LRP1B: variants seen among roughly 807,000 people sequenced by gnomAD.
LRP1B encodes LDL receptor related protein 1B, also known as low-density lipoprotein receptor-related protein 1B.
In LRP1B, 217 loss-of-function variants were observed where a neutral mutation model predicts 556.6. The ratio of observed to expected loss-of-function variants is 0.39; its 90% CI spans 0.35 to 0.44. LRP1B has a LOEUF of 0.44. LRP1B is among the 20% of genes least tolerant of loss of function. The pLI, the probability that LRP1B is intolerant of heterozygous loss-of-function variation, is 1.00. For synonymous variants in LRP1B, 2,047 were observed against 1,865.8 expected, an observed-to-expected ratio of 1.10 and a Z score of -2.50; for missense variants, 5,053 against 5,620.8, an observed-to-expected ratio of 0.90 and a Z score of 3.23.
At chr2:141,158,222 C>T (rs932332451) in intron 7 of LRP1B, among the ~76,000 whole-genome samples, 6 of 151,990 alleles carry the variant, frequency 3.9e-5, no homozygotes, top group South Asian at 2.1e-4. Context: ...TTCTTTACCC[C>T]GCTGCTATTA....
Position 141,584,254 on chromosome 2 carries a change from A to G in LRP1B, c.206-103721T>C, listed in dbSNP as rs74552934. ...AGTGAGACCTTGTCTCAAAAAAGAA[A>G]AAAAAAAAGAAGATAATTTTTTCAA... On this transcript the variant is annotated intron_variant, in intron 2 of 90. Coordinates refer to ENST00000389484, the MANE Select transcript of LRP1B (RefSeq NM_018557.3). 4.5e-3 allele frequency among the ~76,000 whole-genome samples: 682 copies of G among 152,136 alleles called. 3 individuals are homozygous for G. The highest frequency in any genetic ancestry group is 0.015 in the African/African-American group (643 of 41,490).
intron 56 of LRP1B, among the ~76,000 whole-genome samples, chr2:140,493,407 C>G (rs1688786279): frequency 6.6e-6 from 1 of 152,116 alleles, no homozygotes; most frequent in Admixed American, 6.6e-5. Flanking sequence ...TTTGGTTTCT[C>G]TTCAGAATTG....
intron 3 of LRP1B, among the ~76,000 whole-genome samples, chr2:141,424,114 T>TTC (rs1195471829): frequency 2.4e-4 from 1 of 4,232 alleles, no homozygotes; most frequent in Non-Finnish European, 6.8e-4. Context: ...AGCCTTCATC[T>TTC]TTTTTTTTTT....
chr2:141,827,984 A>C (rs352977), intron 1 of LRP1B, among the ~76,000 whole-genome samples: 106,903 of 151,844 alleles, frequency 0.7, 38,096 homozygotes, highest in Middle Eastern at 0.82. Context: ...GAAGACTGCC[A>C]CTTCAACAGG....
intron 1 of LRP1B, among the ~76,000 whole-genome samples, chr2:141,867,799 G>A (rs142388800): frequency 8.4e-4 from 127 of 152,084 alleles, no homozygotes; most frequent in African/African-American, 2.9e-3. Context: ...TTTGTATTCC[G>A]GAATCTAACT....
chr2:141,421,162 C>T (rs530221409), intron 3 of LRP1B, among the ~76,000 whole-genome samples: 54 of 152,286 alleles, frequency 3.5e-4, no homozygotes, highest in African/African-American at 6.5e-4. Context: ...CTGCAACTTC[C>T]TATTTTGCCA....
intron 3 of LRP1B, among the ~76,000 whole-genome samples, chr2:141,349,998 A>C (rs1031465125): frequency 5.9e-5 from 9 of 152,034 alleles, no homozygotes; most frequent in Non-Finnish European, 8.8e-5. Flanking sequence ...ATCATGCCAG[A>C]AGGTGAAAAC....
chr2:142,076,633 T>C (rs1705512287), intron 1 of LRP1B, among the ~76,000 whole-genome samples: 1 of 152,098 alleles, frequency 6.6e-6, no homozygotes, highest in African/African-American at 2.4e-5. Flanking sequence ...AGTTTTTAAA[T>C]AGCTGCTTCT....
chr2:142,104,809 T>G (rs1164741938), intron 1 of LRP1B, among the ~76,000 whole-genome samples: 1 of 152,180 alleles, frequency 6.6e-6, no homozygotes, highest in Non-Finnish European at 1.5e-5. Flanking sequence ...AAACAACTCA[T>G]GTCTTCTTTA....
intron 66 of LRP1B, among the ~76,000 whole-genome samples, chr2:140,388,619 C>T (rs865967197): frequency 1.2e-4 from 19 of 152,092 alleles, no homozygotes; most frequent in Middle Eastern, 3.4e-3. Context: ...TTTATGTTTC[C>T]GAGTTATTTA....
chr2:141,147,068 G>T (rs1416746769), intron 7 of LRP1B, among the ~76,000 whole-genome samples: 1 of 152,124 alleles, frequency 6.6e-6, no homozygotes, highest in Admixed American at 6.6e-5. Flanking sequence ...AGAGACTTAG[G>T]TTTTTCTTCT....
chr2:140,463,163 A>C (rs1687393411), intron 60 of LRP1B, among the ~76,000 whole-genome samples: 1 of 152,180 alleles, frequency 6.6e-6, no homozygotes, highest in East Asian at 1.9e-4. Context: ...TGGAAGATTC[A>C]TGACAGTGGC....
Position 142,027,721 on chromosome 2 carries a change from A to G in LRP1B, c.82+102927T>C, listed in dbSNP as rs117265623. 1.1e-3 allele frequency among the ~76,000 whole-genome samples: 172 copies of G among 151,758 alleles called. 19 individuals are homozygous for G. In the East Asian group the frequency reaches 0.031, roughly 27 times the overall value. Reference sequence around the variant, plus strand: ...ACAGAGATAAAGTAACGTGCCCAAGACTACATAGCTTGAAAGTGATGTCCA... The same window carrying G: ...ACAGAGATAAAGTAACGTGCCCAAGGCTACATAGCTTGAAAGTGATGTCCA... On this transcript the variant is annotated intron_variant, in intron 1 of 90. Coordinates refer to ENST00000389484, the MANE Select transcript of LRP1B (RefSeq NM_018557.3).
At chr2:141,559,471 T>C (rs1686069238) in intron 2 of LRP1B, among the ~76,000 whole-genome samples, 1 of 151,780 alleles carries the variant, frequency 6.6e-6, no homozygotes, top group African/African-American at 2.4e-5. Context: ...TGTCTGTTCT[T>C]GTTATCACAT....
chr2:141,463,524 A>C (rs1681998193), intron 3 of LRP1B, among the ~76,000 whole-genome samples: 1 of 136,472 alleles, frequency 7.3e-6, no homozygotes, highest in Non-Finnish European at 1.5e-5. Flanking sequence ...AACAAATATT[A>C]TATAAAATTA....
At position 140,962,594 on chromosome 2, in the gene LRP1B, C is replaced by T. The variant is rs531060169; in HGVS notation, c.2888-10654G>A. Among the ~76,000 whole-genome samples, 198 of 152,272 alleles carry T rather than the reference C, an allele frequency of 1.3e-3. 1 individual carries two copies. Among genetic ancestry groups the T allele is most frequent in the African/African-American group, 4.2e-3 (176 of 41,556 alleles). On this transcript the variant is annotated intron_variant, in intron 18 of 90. Transcript: ENST00000389484. ...CAGACAACTCACAGAAGTTACACCA[C>T]GACTGCCTTCCTGGCAGGGTACAGA...
intron 66 of LRP1B, among the ~76,000 whole-genome samples, chr2:140,422,232 C>T (rs1685475848): frequency 6.6e-6 from 1 of 152,082 alleles, no homozygotes; most frequent in Non-Finnish European, 1.5e-5. Flanking sequence ...AACATGAAAG[C>T]AGTACATAAA....
At chr2:141,965,625 T>C (rs1441265425) in intron 1 of LRP1B, among the ~76,000 whole-genome samples, 16 of 116,126 alleles carry the variant, frequency 1.4e-4, no homozygotes, top group South Asian at 3.3e-4. Flanking sequence ...AGGGATAGCA[T>C]TGGGAGATAT....
intron 2 of LRP1B, among the ~76,000 whole-genome samples, chr2:141,578,895 A>G (rs1257808027): frequency 1.3e-5 from 2 of 152,316 alleles, no homozygotes; most frequent in South Asian, 2.1e-4. Context: ...GGCAACATCT[A>G]AAGGAACTGA....
Sources: gnomAD v4.1 joint callset for allele counts (sites outside exome capture counted in the v4.1 genomes callset) on GRCh38, gnomAD v4.1.1 for gene constraint, MANE v1.5 for transcripts, NCBI Gene and HGNC (gene_info 2026-07-23, HGNC 2026-07-21) for gene names.